The following TMEM182 variants were observed in gnomAD, a reference collection of about 807,000 sequenced individuals.
TMEM182 encodes transmembrane protein 182.
Under a neutral mutation model 26.8 loss-of-function variants are expected in TMEM182, and 20 were observed. The ratio of observed to expected loss-of-function variants is 0.75; its 90% CI spans 0.53 to 1.09. The LOEUF (loss-of-function observed/expected upper bound fraction) is 1.09, where lower values mean the gene tolerates loss of function less well. TMEM182 is among the 50% of genes least tolerant of loss of function. The probability of loss-of-function intolerance (pLI) is 0.00; values close to 1 mark genes in which losing one functional copy is unlikely to be tolerated. For missense variants in TMEM182, 277 were observed against 275.5 expected, an observed-to-expected ratio of 1.01 and a Z score of -0.04; for synonymous variants, 109 against 102.2, an observed-to-expected ratio of 1.07 and a Z score of -0.40.
At chr2:102,777,887 C>T (rs1177924921) in intron 3 of TMEM182, among the ~76,000 whole-genome samples, 1 of 150,924 alleles carries the variant, frequency 6.6e-6, no homozygotes, top group Non-Finnish European at 1.5e-5. Flanking sequence ...CATATAATTT[C>T]AATTCTTTTA....
At chr2:102,796,310 A>T (rs1178713921) in intron 3 of TMEM182, among the ~76,000 whole-genome samples, 1 of 152,146 alleles carries the variant, frequency 6.6e-6, no homozygotes, top group African/African-American at 2.4e-5. Flanking sequence ...TTCAGTCCTT[A>T]TATGGTTGCT....
Position 102,817,560 on chromosome 2 carries a change from T to TA in TMEM182, c.*2599dup, listed in dbSNP as rs1682798136. 1 of 985,336 alleles carries TA rather than the reference T, an allele frequency of 1.0e-6. No homozygotes were observed. The highest frequency in any genetic ancestry group is 4.7e-5 in the South Asian group (1 of 21,286). 61.0% of individuals were successfully genotyped at this position (985,336 alleles called of 1,614,324 possible). On this transcript the variant is annotated 3_prime_UTR_variant, in exon 5 of 5. Coordinates refer to ENST00000412401, the MANE Select transcript of TMEM182 (RefSeq NM_144632.5). ...TTTGAGGGTTGATGGTAGGGCTTTC[T>TA]AAAAAAAGTAATATCAAGTGTGTTG...
At chr2:102,800,575 AG>A (rs1401621915) in intron 4 of TMEM182, among the ~76,000 whole-genome samples, 7 of 152,212 alleles carry the variant, frequency 4.6e-5, no homozygotes, top group Non-Finnish European at 1.0e-4. Context: ...AGTTCCAGTA[AG>A]GGTACACATT....
intron 3 of TMEM182, among the ~76,000 whole-genome samples, chr2:102,832,597 A>G (rs926750503): frequency 1.3e-5 from 2 of 152,234 alleles, no homozygotes; most frequent in Non-Finnish European, 2.9e-5. Context: ...CATTTGAGGG[A>G]CAGCTGGGGT....
At chr2:102,739,842 A>G (rs897696658) in intron 1 of TMEM182, among the ~76,000 whole-genome samples, 4 of 152,188 alleles carry the variant, frequency 2.6e-5, no homozygotes, top group African/African-American at 9.7e-5. Flanking sequence ...AGGCATGGAA[A>G]ACTCATGCAA....
Position 102,816,977 on chromosome 2 carries a change from G to T in TMEM182, c.*2009G>T, listed in dbSNP as rs758091548. The T allele has an allele frequency of 3.2e-5, 32 of 985,622 alleles. No individual in the cohort carries two copies. Among genetic ancestry groups the T allele is most frequent in the South Asian group, 1.9e-4 (4 of 21,288 alleles). The allele number at this position is 985,622 out of a possible 1,614,324, so 61.1% of individuals were successfully genotyped here. On this transcript the variant is annotated 3_prime_UTR_variant, in exon 5 of 5. Coordinates refer to ENST00000412401, the MANE Select transcript of TMEM182 (RefSeq NM_144632.5). ...CCATATATTTTTTATATGACAATTG[G>T]CTGAATAGCTGATGTGTATGACACT... is the stretch of plus-strand genomic sequence containing the variant.
intron 1 of TMEM182, among the ~76,000 whole-genome samples, chr2:102,748,130 A>G (rs1679770893): frequency 6.6e-6 from 1 of 152,230 alleles, no homozygotes; most frequent in African/African-American, 2.4e-5. Context: ...TTCATTCTTG[A>G]AATCCTTGGA....
chr2:102,762,142 G>GGTT lies in TMEM182; in HGVS notation c.-76_-75insGTT. The GGTT allele has an allele frequency of 1.2e-6, 1 of 852,428 alleles. No homozygotes were observed. The allele number at this position is 852,428 out of a possible 1,614,324, so 52.8% of individuals were successfully genotyped here. On this transcript the variant is annotated 5_prime_UTR_variant, in exon 1 of 5. Transcript: ENST00000412401. ...TTATTCTTTTTTTTTTTTTTTTGCT[G>GGTT]TTGTTTCTGAGAAACTAGGTGTCTT...
At chr2:102,776,217 GTGT>G (rs1680909525) in intron 3 of TMEM182, among the ~76,000 whole-genome samples, 1 of 152,124 alleles carries the variant, frequency 6.6e-6, no homozygotes, top group Non-Finnish European at 1.5e-5. Context: ...TTCACTCTTT[GTGT>G]TAGGCACTGA....
rs930318451 is a variant in TMEM182, at chr2:102,816,411, C to T, written c.*1443C>T. The T allele has an allele frequency of 5.1e-6, 5 of 985,046 alleles. 1 individual carries two copies. Among genetic ancestry groups the T allele is most frequent in the Middle Eastern group, 1.0e-3 (2 of 1,936 alleles). 61.0% of individuals were successfully genotyped at this position (985,046 alleles called of 1,614,324 possible). On this transcript the variant is annotated 3_prime_UTR_variant, in exon 5 of 5. Transcript: ENST00000412401. ...AGAGGTGATCCCAGTCTTCTCTGTA[C>T]ATCTTGTGCTTTTCCATTAAGACTT... is the stretch of plus-strand genomic sequence containing the variant.
At chr2:102,762,834 C>A in intron 2 of TMEM182, 148 bp downstream of exon 2, 1 of 572,234 alleles carries the variant, frequency 1.7e-6, no homozygotes, top group Non-Finnish European at 3.0e-6. Context: ...TGTAGAGATT[C>A]CTTTTCAGTA....
At chr2:102,756,539 C>T (rs1378843339) in intron 1 of TMEM182, among the ~76,000 whole-genome samples, 1 of 150,298 alleles carries the variant, frequency 6.7e-6, no homozygotes, top group East Asian at 2.0e-4. Flanking sequence ...GAAGCCCCAT[C>T]TCTACTAAAA....
chr2:102,764,341 C>T lies in TMEM182; in HGVS notation c.245C>T (p.Pro82Leu), dbSNP rs376506997. ...IWKFWYTNQPPSKNCTHAYLS... is the reference protein window; with the variant it reads ...IWKFWYTNQPLSKNCTHAYLS... ...CTGTTCTTCCTAGCCAATCAGCCAC[C>T]GTCCAAGAACTGCACACATGCTTAC... Residue 82 changes from proline to leucine, a missense_variant, in exon 3 of 5, where the codon CCG (proline) becomes CTG (leucine). By Grantham distance (98) the Pro-to-Leu change is moderately conservative. Coordinates refer to ENST00000412401, the MANE Select transcript of TMEM182 (RefSeq NM_144632.5). The T allele has an allele frequency of 6.8e-5, 110 of 1,613,730 alleles. No homozygotes were observed. The East Asian group carries it at 2.0e-3, about 29-fold the overall frequency.
Position 102,817,365 on chromosome 2 carries a change from T to C in TMEM182, c.*2397T>C. The C allele has an allele frequency of 1.0e-6, 1 of 985,438 alleles. No homozygotes were observed. Among genetic ancestry groups the C allele is most frequent in the Non-Finnish European group, 1.2e-6 (1 of 829,922 alleles). The allele number at this position is 985,438 out of a possible 1,614,324, so 61.0% of individuals were successfully genotyped here. ...AAGGATATCTTTTCAGTTACACTTT[T>C]AGAAAGAGTGAATAAAAAGGGCAGT... is the stretch of plus-strand genomic sequence containing the variant. On this transcript the variant is annotated 3_prime_UTR_variant, in exon 5 of 5. Coordinates refer to ENST00000412401, the MANE Select transcript of TMEM182 (RefSeq NM_144632.5).
chr2:102,759,260 TG>T (rs1680139109), upstream of TMEM182, among the ~76,000 whole-genome samples: 1 of 152,150 alleles, frequency 6.6e-6, no homozygotes, highest in Admixed American at 6.5e-5. Context: ...TCCAACAGAT[TG>T]CTCCTTCTTT....
intron 3 of TMEM182, among the ~76,000 whole-genome samples, chr2:102,795,994 C>T (rs952115306): frequency 1.3e-5 from 2 of 152,098 alleles, no homozygotes; most frequent in Admixed American, 6.5e-5. Flanking sequence ...ATTTTAAGTG[C>T]CCACGCCTCC....
chr2:102,807,126 A>G (rs1682379528), intron 4 of TMEM182, among the ~76,000 whole-genome samples: 1 of 152,242 alleles, frequency 6.6e-6, no homozygotes, highest in African/African-American at 2.4e-5. Flanking sequence ...TGTTATGACA[A>G]TCTAAGAAAG....
rs535294522 is a variant in TMEM182, at chr2:102,815,024, T to C, written c.*56T>C. 171 of 1,590,940 alleles carry C rather than the reference T, an allele frequency of 1.1e-4. No individual in the cohort carries two copies. The highest frequency in any genetic ancestry group is 1.4e-4 in the Non-Finnish European group (163 of 1,168,240). On this transcript the variant is annotated 3_prime_UTR_variant, in exon 5 of 5. Transcript: ENST00000412401. ...AGATTTTAAAACAAGGAATACTTTT[T>C]TTCCATTTTGTTTCATTGATCCCAG...
downstream of TMEM182, among the ~76,000 whole-genome samples, chr2:102,818,674 G>A (rs1042945584): frequency 5.3e-5 from 8 of 152,154 alleles, no homozygotes; most frequent in South Asian, 2.1e-4. Context: ...GCAATTGGAC[G>A]GTTGAACTTT....
Sources: allele counts gnomAD v4.1 joint callset (sites outside exome capture counted in the v4.1 genomes callset), GRCh38; gene constraint gnomAD v4.1.1; transcripts MANE v1.5; gene names NCBI Gene and HGNC (gene_info 2026-07-23, HGNC 2026-07-21).